The following GPN2 variants were observed in gnomAD, a reference collection of about 807,000 sequenced individuals.
The protein encoded by GPN2 is GPN-loop GTPase 2, also known as ATP-binding domain 1 family member B.
Under a neutral mutation model 30.1 loss-of-function variants are expected in GPN2, and 27 were observed. That is an observed-to-expected ratio of 0.90 (90% CI 0.66 to 1.24). The LOEUF (loss-of-function observed/expected upper bound fraction) is 1.24. Among genes scored for constraint, GPN2 ranks in the 50% most tolerant of loss-of-function variants. The pLI is 0.00. For missense variants in GPN2, 406 were observed against 405.4 expected (o/e 1.00, Z -0.01); for synonymous variants, 212 against 174.4 (o/e 1.22, Z -1.70).
chr1:26,889,657 A>C (rs1227507154), intron 1 of GPN2, 29 bp downstream of exon 1: 1 of 1,545,430 alleles, frequency 6.5e-7, no homozygotes, highest in South Asian at 1.2e-5. Context: ...CTCCATCCGC[A>C]AAATGGGCCT....
chr1:26,886,643 C>T lies in GPN2; in HGVS notation c.569-510G>A, dbSNP rs189638909. 4 of 341,254 alleles carry T rather than the reference C, an allele frequency of 1.2e-5. 1 individual carries two copies. Among genetic ancestry groups the T allele is most frequent in the South Asian group, 6.5e-5 (3 of 46,186 alleles). 21.1% of individuals were successfully genotyped at this position (341,254 alleles called of 1,614,324 possible). On this transcript the variant is annotated intron_variant, in intron 2 of 4. Coordinates refer to ENST00000374135, the MANE Select transcript of GPN2 (RefSeq NM_018066.4). ...ACCATCCTGGCTAACACGATGAAAC[C>T]CTGTTTCTACTAAAAATACAAAAAA...
Position 26,877,635 on chromosome 1 carries a change from C to T in GPN2, c.*2042G>A, listed in dbSNP as rs2081843536. The T allele has an allele frequency of 1.3e-5, 2 of 152,206 alleles. No homozygotes were observed. The highest frequency in any genetic ancestry group is 4.1e-4 in the South Asian group (2 of 4,834). 9.4% of individuals were successfully genotyped at this position (152,206 alleles called of 1,614,324 possible). On this transcript the variant is annotated 3_prime_UTR_variant, in exon 5 of 5. Coordinates refer to ENST00000374135, the MANE Select transcript of GPN2 (RefSeq NM_018066.4). Reference sequence around the variant, plus strand: ...AACTTCTCATCTTTCTGCTTCCTCACTGTAACACGGGCAATGGCTTATTAA... The same window carrying T: ...AACTTCTCATCTTTCTGCTTCCTCATTGTAACACGGGCAATGGCTTATTAA...
rs2081838740 is a variant in GPN2, at chr1:26,876,538, T to G, written c.*3139A>C. 1 of 152,184 alleles carries G rather than the reference T, an allele frequency of 6.6e-6. No homozygotes were observed. The highest frequency in any genetic ancestry group is 6.5e-5 in the Admixed American group (1 of 15,268). 9.4% of individuals were successfully genotyped at this position (152,184 alleles called of 1,614,324 possible). A position where few individuals can be genotyped will look rare whatever the true frequency, so the allele number is the denominator to read the frequency against. ...CGGCCTTCTCTTTCATTTTCTAAGT[T>G]TTTTACTTTCCTATATTTATTAGGA... On this transcript the variant is annotated 3_prime_UTR_variant, in exon 5 of 5. Coordinates refer to ENST00000374135, the MANE Select transcript of GPN2 (RefSeq NM_018066.4).
At position 26,878,417 on chromosome 1, in the gene GPN2, G is replaced by A. The variant is rs1171637575; in HGVS notation, c.*1260C>T. 6.6e-6 allele frequency: 1 copy of A among 151,928 alleles called. No homozygotes were observed. The allele number at this position is 151,928 out of a possible 1,614,324, so 9.4% of individuals were successfully genotyped here. A position where few individuals can be genotyped will look rare whatever the true frequency, so the allele number is the denominator to read the frequency against. Reference sequence around the variant, plus strand: ...CTGCCTCAGCCTCCCCAATAGCTGGGATTATAGGCGTGCAACACCATGCCC... The same window carrying A: ...CTGCCTCAGCCTCCCCAATAGCTGGAATTATAGGCGTGCAACACCATGCCC... On this transcript the variant is annotated 3_prime_UTR_variant, in exon 5 of 5. Coordinates refer to ENST00000374135, the MANE Select transcript of GPN2 (RefSeq NM_018066.4).
chr1:26,885,865 A>C (rs2124000591), intron 3 of GPN2, 108 bp downstream of exon 3: 1 of 864,890 alleles, frequency 1.2e-6, no homozygotes, highest in South Asian at 1.6e-5. Flanking sequence ...AGGCTTGAGC[A>C]ACCGCGCCCA....
chr1:26,883,157 T>C (rs538745746), intron 4 of GPN2, among the ~76,000 whole-genome samples: 1 of 152,326 alleles, frequency 6.6e-6, no homozygotes, highest in South Asian at 2.1e-4. Flanking sequence ...CATCTGATTG[T>C]GTCACACCCT....
intron 1 of GPN2, among the ~76,000 whole-genome samples, 195 bp from the exon 2 acceptor site, chr1:26,889,320 C>T (rs2081907949): frequency 6.6e-6 from 1 of 152,136 alleles, no homozygotes; most frequent in Non-Finnish European, 1.5e-5. Flanking sequence ...AGGTCTTGCA[C>T]TGAGCCTCCC....
chr1:26,887,675 C>T (rs2081897724), intron 2 of GPN2, among the ~76,000 whole-genome samples: 1 of 151,752 alleles, frequency 6.6e-6, no homozygotes, highest in African/African-American at 2.4e-5. Flanking sequence ...CATTCTCCTG[C>T]CTCAGCCTCC....
At position 26,886,055 on chromosome 1, in the gene GPN2, C is replaced by G. The variant is rs372973100; in HGVS notation, c.647G>C (p.Arg216Pro). 1 of 1,613,086 alleles carries G rather than the reference C, an allele frequency of 6.2e-7. No individual in the cohort carries two copies. The highest frequency in any genetic ancestry group is 1.1e-5 in the South Asian group (1 of 91,046). ...LDHLASDPFF[R>P]HYRQLNEKLV... ...CTTCTCATTGAGCTGGCGGTAGTGG[C>G]GGAAGAAAGGGTCAGAAGCCAGGTG... The change falls in exon 3 of 5, where the codon CGC (arginine) becomes CCC (proline). Residue 216 changes from arginine (R) to proline (P), a missense_variant. Arg to Pro is a moderately radical substitution (Grantham distance 103, BLOSUM62 -2). Transcript: ENST00000374135.
chr1:26,888,707 C>T (rs888387480), intron 2 of GPN2, among the ~76,000 whole-genome samples: 7 of 152,240 alleles, frequency 4.6e-5, no homozygotes, highest in Non-Finnish European at 1.0e-4. Flanking sequence ...AAAGCTCACT[C>T]ACTTCACTCC....
chr1:26,886,180 G>C (rs2124001231), intron 2 of GPN2, 47 bp from the exon 3 acceptor site: 2 of 1,399,446 alleles, frequency 1.4e-6, no homozygotes, highest in African/African-American at 1.4e-5. Flanking sequence ...TCAGGCTAAA[G>C]ACCTGAGGAC....
intron 4 of GPN2, among the ~76,000 whole-genome samples, chr1:26,882,321 T>C (rs2081868607): frequency 6.7e-6 from 1 of 150,246 alleles, no homozygotes; most frequent in Admixed American, 6.6e-5. Context: ...GAGTTGGAGA[T>C]TGCATTCCAG....
intron 4 of GPN2, 38 bp downstream of exon 4, chr1:26,884,122 C>T (rs2081878312): frequency 1.9e-6 from 3 of 1,587,622 alleles, no homozygotes; most frequent in Non-Finnish European, 2.6e-6. Context: ...TCCCATGTCT[C>T]ACCCTCTCTG....
At position 26,884,215 on chromosome 1, in the gene GPN2, G is replaced by A. The variant is rs149255985; in HGVS notation, c.805C>T (p.Arg269Ter). 34 of 1,613,762 alleles carry A rather than the reference G, an allele frequency of 2.1e-5. No homozygotes were observed. Among genetic ancestry groups the A allele is most frequent in the Non-Finnish European group, 2.5e-5 (30 of 1,179,922 alleles). ...GCAGACATCATGGCTTCCAAGCTTC[G>A]CTGCTCTTGGGCTCTGAAACAGTAT... ...NGYCFRAQEQ[R>*]SLEAMMSAAM... is the part of the protein sequence containing the mutation. Residue 269 changes from arginine to a stop codon, truncating the protein, a stop_gained, in exon 4 of 5, where the codon CGA becomes TGA. Coordinates refer to ENST00000374135, the MANE Select transcript of GPN2 (RefSeq NM_018066.4). LOFTEE classifies it high-confidence loss of function.
At position 26,879,843 on chromosome 1, in the gene GPN2, C is replaced by T. The variant is rs150795529; in HGVS notation, c.861-94G>A. The T allele has an allele frequency of 1.3e-5, 10 of 783,848 alleles. No individual in the cohort carries two copies. In the East Asian group the frequency reaches 2.7e-4, roughly 21 times the overall value. The allele number at this position is 783,848 out of a possible 1,614,324, so 48.6% of individuals were successfully genotyped here. On this transcript the variant is annotated intron_variant, in intron 4 of 4. Coordinates refer to ENST00000374135, the MANE Select transcript of GPN2 (RefSeq NM_018066.4). ...CTTCCGCTGATGCCTACACTCCAACCATGTCCATCCCTCTCTTCCTCATAA... is the reference window on the plus strand; with the variant it reads ...CTTCCGCTGATGCCTACACTCCAACTATGTCCATCCCTCTCTTCCTCATAA...
chr1:26,887,631 G>A (rs1248585150), intron 2 of GPN2, among the ~76,000 whole-genome samples: 18 of 151,230 alleles, frequency 1.2e-4, no homozygotes, highest in South Asian at 4.2e-4. Context: ...GCATGATCTC[G>A]GCTCACTGCA....
rs1301029990 is a variant in GPN2 at position 26,889,832 on chromosome 1, C to T, written c.265G>A (p.Glu89Lys). 3 of 1,613,742 alleles carry T rather than the reference C, an allele frequency of 1.9e-6. No individual in the cohort carries two copies. The East Asian group carries it at 6.7e-5, about 36-fold the overall frequency. The change falls in exon 1 of 5, where the codon GAA becomes AAA. Residue 89 changes from glutamate (E) to lysine (K), a missense_variant. Glu to Lys is a moderately conservative substitution (Grantham distance 56). Coordinates refer to ENST00000374135, the MANE Select transcript of GPN2 (RefSeq NM_018066.4). ...GCACGCAGCCAGTCCAGGTTGGCTT[C>T]CAGGTACTCCATGCAGTAGAGCAGG... ...GGLLYCMEYL[E>K]ANLDWLRAKL...
At chr1:26,884,055 AAAAG>A in intron 4 of GPN2, 101 bp downstream of exon 4, 3 of 935,822 alleles carry the variant, frequency 3.2e-6, no homozygotes, top group Admixed American at 2.8e-5. Context: ...AAAAAAAAAA[AAAAG>A]AAATTGGTCA....
In GPN2 at chr1:26,889,825, T is replaced by C. The variant is rs773241298; in HGVS notation, c.272A>G (p.Asn91Ser). Residue 91 changes from asparagine to serine, a missense_variant, in exon 1 of 5, where the codon AAC (asparagine) becomes AGC (serine). Coordinates refer to ENST00000374135, the MANE Select transcript of GPN2 (RefSeq NM_018066.4). The stretch of plus-strand genomic sequence containing the variant: ...GAGCTTGGCACGCAGCCAGTCCAGG[T>C]TGGCTTCCAGGTACTCCATGCAGTA... Reference protein sequence around the residue: ...LLYCMEYLEANLDWLRAKLDP... With the variant: ...LLYCMEYLEASLDWLRAKLDP... The C allele has an allele frequency of 2.4e-5, 38 of 1,613,782 alleles. No individual in the cohort carries two copies. Among genetic ancestry groups the C allele is most frequent in the Non-Finnish European group, 3.1e-5 (37 of 1,180,008 alleles).
Sources: allele counts gnomAD v4.1 joint callset (sites outside exome capture counted in the v4.1 genomes callset), GRCh38; gene constraint gnomAD v4.1.1; transcripts MANE v1.5; gene names NCBI Gene and HGNC (gene_info 2026-07-23, HGNC 2026-07-21).